YIPF6: variants seen among roughly 807,000 people sequenced by gnomAD.
YIPF6 encodes the protein Yip1 domain family member 6.
Under a neutral mutation model 16.8 loss-of-function variants are expected in YIPF6, and 3 were observed. The observed-to-expected ratio is 0.18, with a 90% CI of 0.08 to 0.46. The LOEUF is 0.46. YIPF6 is among the 20% of genes least tolerant of loss of function. The probability of loss-of-function intolerance (pLI) is 0.98; values close to 1 mark genes in which losing one functional copy is unlikely to be tolerated. For synonymous variants in YIPF6, 67 were observed against 61.9 expected (o/e 1.08, Z -0.38); for missense variants, 145 against 184.9 (o/e 0.78, Z 1.25).
At chrX:68,506,096 T>G (rs189164291) in intron 1 of YIPF6, among the ~76,000 whole-genome samples, 3 of 111,243 alleles carry the variant, frequency 2.7e-5, no homozygotes, top group Non-Finnish European at 5.7e-5. Flanking sequence ...CTGAGTATTT[T>G]AAAGCAAAGC....
chrX:68,508,876 A>G (rs1226144883), intron 1 of YIPF6, among the ~76,000 whole-genome samples: 2 of 111,372 alleles, frequency 1.8e-5, no homozygotes, highest in Non-Finnish European at 3.8e-5. Context: ...ATAATTTGTT[A>G]TTGATATTGA....
At chrX:68,500,648 A>C (rs1429661859) in intron 1 of YIPF6, among the ~76,000 whole-genome samples, 2 of 111,679 alleles carry the variant, frequency 1.8e-5, no homozygotes, top group African/African-American at 6.5e-5. Flanking sequence ...AACTTAACAT[A>C]GTGAACTGAG....
intron 1 of YIPF6, among the ~76,000 whole-genome samples, chrX:68,506,763 G>C (rs1361225557): frequency 9.0e-6 from 1 of 110,526 alleles, no homozygotes; most frequent in East Asian, 2.8e-4. Flanking sequence ...TTTTAGAGTT[G>C]CCTTCTTGCT....
intron 1 of YIPF6, among the ~76,000 whole-genome samples, chrX:68,510,369 G>A (rs1318239820): frequency 9.1e-6 from 1 of 110,141 alleles, no homozygotes; most frequent in African/African-American, 3.3e-5. Context: ...TAATAATTGT[G>A]TGAAGTGTTT....
At chrX:68,518,647 G>C (rs768471091) in intron 3 of YIPF6, 123 bp from the exon 4 acceptor site, 212 of 740,856 alleles carry the variant, frequency 2.9e-4, no homozygotes, top group Non-Finnish European at 4.1e-4. Flanking sequence ...TGGGAGAGGA[G>C]AGGTAGGAAG....
intron 5 of YIPF6, among the ~76,000 whole-genome samples, chrX:68,521,763 A>AT (rs1031772343): frequency 0.038 from 3,951 of 103,914 alleles, 213 homozygotes; most frequent in African/African-American, 0.13. Context: ...AATTAAAAAA[A>AT]TTTTTTTTTT....
Position 68,532,270 on chromosome X carries a change from A to G in YIPF6, c.*271A>G. ...GTATATAATGCCTCCTTAAGGCATGATGGAGTCACCGTGGTCCATTTGGGT... is the reference window on the plus strand; with the variant it reads ...GTATATAATGCCTCCTTAAGGCATGGTGGAGTCACCGTGGTCCATTTGGGT... On this transcript the variant is annotated 3_prime_UTR_variant, in exon 7 of 7. Coordinates refer to ENST00000462683, the MANE Select transcript of YIPF6 (RefSeq NM_173834.4). 4.9e-6 allele frequency: 1 copy of G among 205,261 alleles called. No individual in the cohort carries two copies. The highest frequency in any genetic ancestry group is 9.7e-5 in the East Asian group (1 of 10,355). 16.9% of individuals were successfully genotyped at this position (205,261 alleles called of 1,213,427 possible). A position where few individuals can be genotyped will look rare whatever the true frequency, so the allele number is the denominator to read the frequency against.
chrX:68,503,777 G>C (rs754852560), intron 1 of YIPF6, among the ~76,000 whole-genome samples: 7 of 112,247 alleles, frequency 6.2e-5, no homozygotes, highest in Admixed American at 1.9e-4. Flanking sequence ...GGGTTCCCAC[G>C]TTCCGCTCAG....
chrX:68,507,184 C>A (rs987992772), intron 1 of YIPF6, among the ~76,000 whole-genome samples: 2 of 111,804 alleles, frequency 1.8e-5, no homozygotes, highest in Non-Finnish European at 3.8e-5. Context: ...GCTCTCAAAA[C>A]CTGAAATATT....
At chrX:68,530,779 C>T (rs1179809985) in intron 6 of YIPF6, among the ~76,000 whole-genome samples, 1 of 111,187 alleles carries the variant, frequency 9.0e-6, no homozygotes, top group Non-Finnish European at 1.9e-5. Flanking sequence ...CTTCAGCTCA[C>T]CCCCCGTGGG....
At chrX:68,507,957 T>C (rs2079066272) in intron 1 of YIPF6, among the ~76,000 whole-genome samples, 1 of 111,222 alleles carries the variant, frequency 9.0e-6, no homozygotes, top group Non-Finnish European at 1.9e-5. Flanking sequence ...TCTCTTTGGC[T>C]ACTTTCAAGA....
intron 6 of YIPF6, among the ~76,000 whole-genome samples, chrX:68,523,886 A>G (rs1449533314): frequency 8.9e-6 from 1 of 111,926 alleles, no homozygotes; most frequent in African/African-American, 3.2e-5. Context: ...ATTACCATAA[A>G]TGTAATTATA....
At chrX:68,517,257 C>T (rs930630995) in intron 3 of YIPF6, among the ~76,000 whole-genome samples, 17 of 112,119 alleles carry the variant, frequency 1.5e-4, no homozygotes, top group Non-Finnish European at 1.3e-4. Flanking sequence ...AAGCAATTCC[C>T]ATGCCTCAGC....
chrX:68,502,324 G>A (rs899599618), intron 1 of YIPF6, among the ~76,000 whole-genome samples: 11 of 111,863 alleles, frequency 9.8e-5, no homozygotes, highest in Non-Finnish European at 2.1e-4. Flanking sequence ...TGTAGCGTGT[G>A]AAGGAGGATT....
At chrX:68,505,267 G>A (rs772367567) in intron 1 of YIPF6, among the ~76,000 whole-genome samples, 5 of 110,958 alleles carry the variant, frequency 4.5e-5, no homozygotes, top group Non-Finnish European at 9.4e-5. Context: ...AAAATTACCC[G>A]GGCATGGTGG....
intron 6 of YIPF6, among the ~76,000 whole-genome samples, chrX:68,527,518 G>T (rs1321395247): frequency 1.8e-5 from 2 of 111,281 alleles, no homozygotes; most frequent in African/African-American, 6.5e-5. Context: ...GCCAGTTTTT[G>T]AATTTGTTTG....
intron 1 of YIPF6, among the ~76,000 whole-genome samples, chrX:68,505,577 C>T (rs1021818991): frequency 5.4e-5 from 6 of 111,549 alleles, no homozygotes; most frequent in African/African-American, 9.8e-5. Context: ...GGATTAAGTG[C>T]GAAAGTAAAG....
At chrX:68,503,796 C>CT (rs2079049835) in intron 1 of YIPF6, among the ~76,000 whole-genome samples, 2 of 112,300 alleles carry the variant, frequency 1.8e-5, no homozygotes, top group Non-Finnish European at 3.8e-5. Context: ...AGGTTTATTT[C>CT]TTTTTTGGCA....
Position 68,526,642 on chromosome X carries a change from C to T in YIPF6, c.592+3725C>T, listed in dbSNP as rs779340426. Among the ~76,000 whole-genome samples the T allele has an allele frequency of 1.3e-4, 14 of 111,485 alleles. No homozygotes were observed. The South Asian group carries it at 4.5e-3, about 36-fold the overall frequency. On this transcript the variant is annotated intron_variant, in intron 6 of 6. Coordinates refer to ENST00000462683, the MANE Select transcript of YIPF6 (RefSeq NM_173834.4). ...AAATAGCTCTTATTATTTTGAGATA[C>T]GTTCCATCAATACCTAGTTTATTGA...
Sources: gnomAD v4.1 joint callset for allele counts (sites outside exome capture counted in the v4.1 genomes callset) on GRCh38, gnomAD v4.1.1 for gene constraint, MANE v1.5 for transcripts, NCBI Gene and HGNC (gene_info 2026-07-23, HGNC 2026-07-21) for gene names.